The following ZNF346 variants were observed in gnomAD, a reference collection of about 807,000 sequenced individuals.
ZNF346 encodes the protein double-stranded RNA-binding zinc finger protein JAZ.
A neutral mutation model predicts 33.7 loss-of-function variants in ZNF346; 23 were observed. The observed-to-expected ratio is 0.68, with a 90% CI of 0.49 to 0.97. ZNF346 has a LOEUF of 0.97. ZNF346 is among the 50% of genes least tolerant of loss of function. The pLI is 0.00. For missense variants in ZNF346, 340 were observed against 371.1 expected, an observed-to-expected ratio of 0.92 and a Z score of 0.69; for synonymous variants, 134 against 142.4, an observed-to-expected ratio of 0.94 and a Z score of 0.42.
intron 1 of ZNF346, among the ~76,000 whole-genome samples, chr5:177,038,620 C>T (rs1404621654): frequency 6.6e-6 from 1 of 151,858 alleles, no homozygotes; most frequent in Admixed American, 6.6e-5. Context: ...TGTGAATGTA[C>T]TCTCTAAGGC....
At chr5:177,050,676 G>A (rs1780732596) in intron 4 of ZNF346, 75 bp from the exon 5 acceptor site, 1 of 1,560,772 alleles carries the variant, frequency 6.4e-7, no homozygotes, top group Non-Finnish European at 8.8e-7. Context: ...TTTTTTCATT[G>A]TTTCTGTTTG....
chr5:177,038,876 TTG>T (rs56812954), intron 1 of ZNF346, among the ~76,000 whole-genome samples: 64,720 of 134,990 alleles, frequency 0.48, 17,532 homozygotes, highest in Non-Finnish European at 0.59. Context: ...CTTCTTCTTC[TTG>T]TGTGTGTGTG....
chr5:177,057,912 C>G (rs1434566229), intron 5 of ZNF346, among the ~76,000 whole-genome samples: 1 of 151,244 alleles, frequency 6.6e-6, no homozygotes, highest in African/African-American at 2.4e-5. Flanking sequence ...ACCTCCACCT[C>G]CTGGGTTCAA....
chr5:177,044,468 C>T lies in ZNF346; in HGVS notation c.452C>T (p.Ser151Leu), dbSNP rs766730098. 1.2e-6 allele frequency: 2 copies of T among 1,613,912 alleles called. No individual in the cohort carries two copies. Among genetic ancestry groups the T allele is most frequent in the East Asian group, 2.2e-5 (1 of 44,900 alleles). Residue 151 changes from serine to leucine, a missense_variant, in exon 4 of 7, where the codon TCG becomes TTG. Coordinates refer to ENST00000358149, the MANE Select transcript of ZNF346 (RefSeq NM_012279.4). Reference protein sequence around the residue: ...MTFSSPVVAQSHYLGKTHAKN... With the variant: ...MTFSSPVVAQLHYLGKTHAKN... ...TTTTCCTCCCCTGTCGTGGCCCAGTCGCACTACCTGGGGAAGACCCACGCA... is the reference window on the plus strand; with the variant it reads ...TTTTCCTCCCCTGTCGTGGCCCAGTTGCACTACCTGGGGAAGACCCACGCA...
downstream of ZNF346, among the ~76,000 whole-genome samples, chr5:177,071,950 G>A (rs1230053088): frequency 6.6e-6 from 1 of 152,206 alleles, no homozygotes; most frequent in East Asian, 1.9e-4. Flanking sequence ...TGCTTCATCT[G>A]TCTAGGAATA....
chr5:177,041,394 T>C (rs1292158454), intron 2 of ZNF346, among the ~76,000 whole-genome samples, 165 bp downstream of exon 2: 2 of 152,210 alleles, frequency 1.3e-5, no homozygotes, highest in African/African-American at 2.4e-5. Flanking sequence ...TCCTTGAGTC[T>C]CATCTCCCCC....
At position 177,041,877 on chromosome 5, in the gene ZNF346, C is replaced by T; in HGVS notation, c.372+7C>T. ...GAAGCTAGACTCAGATCAGGTAATA[C>T]AGCTGCCATATTGAGCCCACTTGCT... On this transcript the variant is annotated splice_region_variant and intron_variant, in intron 3 of 6. Coordinates refer to ENST00000358149, the MANE Select transcript of ZNF346 (RefSeq NM_012279.4). 6.3e-7 allele frequency: 1 copy of T among 1,595,082 alleles called. No individual in the cohort carries two copies. Among genetic ancestry groups the T allele is most frequent in the East Asian group, 2.2e-5 (1 of 44,558 alleles).
intron 3 of ZNF346, among the ~76,000 whole-genome samples, chr5:177,042,881 C>A (rs971568073): frequency 2.0e-5 from 3 of 152,162 alleles, no homozygotes; most frequent in African/African-American, 7.2e-5. Context: ...CAGGCACACA[C>A]CACCACGCCT....
In ZNF346 at chr5:177,023,133, C is replaced by T. The variant is rs1193306610; in HGVS notation, c.175+220C>T. 10 of 1,442,244 alleles carry T rather than the reference C, an allele frequency of 6.9e-6. No individual in the cohort carries two copies. The Admixed American group carries it at 1.4e-4, about 20-fold the overall frequency. The allele number at this position is 1,442,244 out of a possible 1,614,324, so 89.3% of individuals were successfully genotyped here. ...GCTCACGCTCAGGCCCTGGGTTTTC[C>T]TCCTCCTCCTTCATCATTCACTACA... On this transcript the variant is annotated intron_variant, in intron 1 of 6. Transcript: ENST00000358149.
downstream of ZNF346, among the ~76,000 whole-genome samples, chr5:177,071,394 A>AAGGGGCC (rs1562048565): frequency 1.3e-5 from 2 of 151,240 alleles, no homozygotes; most frequent in African/African-American, 2.4e-5. Flanking sequence ...AGAAAGAAAA[A>AAGGGGCC]AGGGGCCAGG....
chr5:177,071,566 G>T (rs1397004088), downstream of ZNF346, among the ~76,000 whole-genome samples: 1 of 149,984 alleles, frequency 6.7e-6, no homozygotes, highest in South Asian at 2.1e-4. Flanking sequence ...GGTGCCTGTA[G>T]TCCCAGCTAC....
At chr5:177,034,611 C>T (rs544576445) in intron 1 of ZNF346, among the ~76,000 whole-genome samples, 1 of 152,338 alleles carries the variant, frequency 6.6e-6, no homozygotes, top group South Asian at 2.1e-4. Context: ...TGAAAAGCAG[C>T]CCTGTGCTTC....
chr5:177,028,492 C>T (rs1241873370), intron 1 of ZNF346, among the ~76,000 whole-genome samples: 9 of 33,088 alleles, frequency 2.7e-4, no homozygotes, highest in African/African-American at 1.2e-3. Flanking sequence ...GCACTTGTGA[C>T]GTTTTATATA....
In ZNF346 at chr5:177,031,719, T is replaced by A. The variant is rs1192100648; in HGVS notation, c.175+8806T>A. Reference sequence around the variant, plus strand: ...TCTCTCTTCTCTCTTCTTCTGAGGCTCTCCTTACACATATGTTAGTATGCT... The same window carrying A: ...TCTCTCTTCTCTCTTCTTCTGAGGCACTCCTTACACATATGTTAGTATGCT... On this transcript the variant is annotated intron_variant, in intron 1 of 6. Transcript: ENST00000358149. Among the ~76,000 whole-genome samples, 3 of 152,172 alleles carry A rather than the reference T, an allele frequency of 2.0e-5. No individual in the cohort carries two copies. In the East Asian group the frequency reaches 5.8e-4, roughly 29 times the overall value.
intron 1 of ZNF346, among the ~76,000 whole-genome samples, chr5:177,032,038 A>ATTTTTTTTTTTTTTTTTTT (rs1777805737): frequency 2.0e-5 from 1 of 51,058 alleles, no homozygotes; most frequent in African/African-American, 7.1e-5. Context: ...ATGGATTTTC[A>ATTTTTTTTTTTTTTTTTTT]CTCTTGTTGC....
intron 4 of ZNF346, among the ~76,000 whole-genome samples, chr5:177,048,787 C>CTTT (rs58509601): frequency 3.0e-5 from 4 of 132,198 alleles, no homozygotes; most frequent in Admixed American, 7.6e-5. Flanking sequence ...CTTTTTTTTT[C>CTTT]TTTTTTTTTT....
chr5:177,044,511 G>C lies in ZNF346; in HGVS notation c.495G>C (p.Lys165Asn). The C allele has an allele frequency of 6.2e-7, 1 of 1,613,910 alleles. No individual in the cohort carries two copies. Among genetic ancestry groups the C allele is most frequent in the South Asian group, 1.1e-5 (1 of 91,070 alleles). Residue 165 changes from lysine (K) to asparagine (N), a missense_variant, in exon 4 of 7, where the codon AAG (lysine) becomes AAC (asparagine). Coordinates refer to ENST00000358149, the MANE Select transcript of ZNF346 (RefSeq NM_012279.4). ...CCCACGCAAAGAACTTAAAGCTGAA[G>C]CAGCAGTCCACTAAGGTGGAAGGTA... ...GKTHAKNLKL[K>N]QQSTKVEALH...
chr5:177,025,409 T>TTTTTTTTTATTTTTTTTTTTTTTGAGACG (rs1246867435), intron 1 of ZNF346, among the ~76,000 whole-genome samples: 1 of 152,232 alleles, frequency 6.6e-6, no homozygotes, highest in Non-Finnish European at 1.5e-5. Context: ...TTTCATTTCT[T>TTTTTTTTTATTTTTTTTTTTTTTGAGACG]GAGTATATCC....
intron 1 of ZNF346, among the ~76,000 whole-genome samples, chr5:177,039,235 G>T (rs1779018289): frequency 1.3e-5 from 2 of 152,042 alleles, no homozygotes; most frequent in African/African-American, 4.8e-5. Context: ...TTTGTTTATA[G>T]AGTCATTTCT....
Sources: gnomAD v4.1 joint callset for allele counts (sites outside exome capture counted in the v4.1 genomes callset) on GRCh38, gnomAD v4.1.1 for gene constraint, MANE v1.5 for transcripts, NCBI Gene and HGNC (gene_info 2026-07-23, HGNC 2026-07-21) for gene names.